MARCHF4: variants seen among roughly 807,000 people sequenced by gnomAD.
MARCHF4 encodes the protein E3 ubiquitin-protein ligase MARCHF4.
Under a neutral mutation model 43.9 loss-of-function variants are expected in MARCHF4, and 14 were observed. The observed-to-expected ratio is 0.32, with a 90% CI of 0.21 to 0.50. MARCHF4 has a LOEUF of 0.50. Ranked by LOEUF, MARCHF4 falls within the 20% of genes least tolerant of loss-of-function variation. The pLI is 0.98. For synonymous variants in MARCHF4, 226 were observed against 213.3 expected (o/e 1.06, Z -0.52); for missense variants, 468 against 536.7 (o/e 0.87, Z 1.27).
chr2:216,306,739 A>T (rs1409728303), intron 1 of MARCHF4, among the ~76,000 whole-genome samples: 1 of 152,168 alleles, frequency 6.6e-6, no homozygotes, highest in Non-Finnish European at 1.5e-5. Flanking sequence ...TTTTATAGAT[A>T]AGTGAACTGA....
In MARCHF4 at chr2:216,259,104, T is replaced by C. The variant is rs1690698813; in HGVS notation, c.*208A>G. On this transcript the variant is annotated 3_prime_UTR_variant, in exon 4 of 4. Transcript: ENST00000273067. ...GTTGAGTTGGTGTTGGTTTTCATTG[T>C]TGTTGTGGAGAGTGGCATTGACTGA... The C allele has an allele frequency of 1.9e-6, 1 of 529,302 alleles. No homozygotes were observed. The highest frequency in any genetic ancestry group is 3.1e-6 in the Non-Finnish European group (1 of 321,970). 32.8% of individuals were successfully genotyped at this position (529,302 alleles called of 1,614,324 possible).
At chr2:216,327,148 ATT>A (rs912014585) in intron 1 of MARCHF4, among the ~76,000 whole-genome samples, 1 of 149,366 alleles carries the variant, frequency 6.7e-6, no homozygotes, top group African/African-American at 2.5e-5. Flanking sequence ...TTTACTTTGT[ATT>A]TTTTTTTTAA....
At chr2:216,314,606 A>G (rs1440823835) in intron 1 of MARCHF4, among the ~76,000 whole-genome samples, 1 of 152,190 alleles carries the variant, frequency 6.6e-6, no homozygotes, top group Non-Finnish European at 1.5e-5. Context: ...TACAGGCAAG[A>G]GCCACCGTGC....
chr2:216,271,219 T>A (rs377018597), intron 3 of MARCHF4, among the ~76,000 whole-genome samples: 38 of 152,322 alleles, frequency 2.5e-4, no homozygotes, highest in African/African-American at 8.9e-4. Context: ...AGCCTGACTA[T>A]TTGCATTGAG....
rs553008536 is a variant in MARCHF4, at chr2:216,371,867, C to G, written c.-1607G>C. 1 of 152,226 alleles carries G rather than the reference C, an allele frequency of 6.6e-6. No individual in the cohort carries two copies. Among genetic ancestry groups the G allele is most frequent in the Non-Finnish European group, 1.5e-5 (1 of 68,078 alleles). 9.4% of individuals were successfully genotyped at this position (152,226 alleles called of 1,614,324 possible). ...ACCCCCACCAAGGGCGGCCTCGGCC[C>G]GCTCTCTGCCCCCCCACCCCGCCCC... On this transcript the variant is annotated 5_prime_UTR_variant, in exon 1 of 4. Transcript: ENST00000273067.
At chr2:216,310,107 G>C (rs1205706667) in intron 1 of MARCHF4, among the ~76,000 whole-genome samples, 2 of 138 alleles carry the variant, frequency 0.014, no homozygotes, top group Non-Finnish European at 0.032. Flanking sequence ...TGAGACCCTG[G>C]AGGCACCTAC....
chr2:216,304,916 T>C (rs1315118471), intron 1 of MARCHF4, among the ~76,000 whole-genome samples: 2 of 151,998 alleles, frequency 1.3e-5, no homozygotes, highest in Non-Finnish European at 2.9e-5. Context: ...ATCACGCCAT[T>C]GTACTCCAGT....
At chr2:216,351,661 C>T (rs1320624254) in intron 1 of MARCHF4, among the ~76,000 whole-genome samples, 1 of 152,196 alleles carries the variant, frequency 6.6e-6, no homozygotes, top group Non-Finnish European at 1.5e-5. Context: ...GAGTGGAGGC[C>T]TTGTCCGTTT....
chr2:216,349,678 T>G (rs535571728), intron 1 of MARCHF4, among the ~76,000 whole-genome samples: 5 of 152,022 alleles, frequency 3.3e-5, no homozygotes, highest in Admixed American at 3.3e-4. Flanking sequence ...TGCCTTTGAA[T>G]GGAAATGAAA....
intron 3 of MARCHF4, among the ~76,000 whole-genome samples, chr2:216,267,198 T>C (rs186411873): frequency 1.8e-3 from 275 of 152,292 alleles, no homozygotes; most frequent in Non-Finnish European, 2.4e-3. Context: ...AGAAGTTACA[T>C]TTTCTAGCTT....
intron 1 of MARCHF4, among the ~76,000 whole-genome samples, chr2:216,296,462 T>C (rs777063740): frequency 4.3e-4 from 65 of 152,344 alleles, no homozygotes; most frequent in Non-Finnish European, 7.6e-4. Context: ...TGTGTGTGTT[T>C]CTACCTCCTG....
chr2:216,303,171 C>G (rs888197544), intron 1 of MARCHF4, among the ~76,000 whole-genome samples: 1 of 152,148 alleles, frequency 6.6e-6, no homozygotes, highest in African/African-American at 2.4e-5. Flanking sequence ...AACGTCATCT[C>G]CTAGAAAAGC....
At chr2:216,283,422 G>T in intron 2 of MARCHF4, 152 bp downstream of exon 2, 1 of 790,668 alleles carries the variant, frequency 1.3e-6, no homozygotes, top group Non-Finnish European at 2.0e-6. Flanking sequence ...ATCCCCTCCT[G>T]CCCCACGCCG....
chr2:216,302,915 A>G (rs1040579418), intron 1 of MARCHF4, among the ~76,000 whole-genome samples: 1 of 130,560 alleles, frequency 7.7e-6, no homozygotes, highest in Admixed American at 7.7e-5. Flanking sequence ...AAAAAAAAAA[A>G]AAAAAAAAGA....
intron 1 of MARCHF4, among the ~76,000 whole-genome samples, chr2:216,365,710 C>A (rs1692655721): frequency 6.6e-6 from 1 of 152,204 alleles, no homozygotes; most frequent in South Asian, 2.1e-4. Context: ...TGAGTAGGCA[C>A]CCCGCCCACT....
intron 1 of MARCHF4, among the ~76,000 whole-genome samples, chr2:216,310,274 T>G (rs1441935459): frequency 6.6e-6 from 1 of 152,094 alleles, no homozygotes; most frequent in Non-Finnish European, 1.5e-5. Flanking sequence ...TTTCTTTTCT[T>G]TTTTTGAGGT....
chr2:216,293,411 G>A (rs946708120), intron 1 of MARCHF4, among the ~76,000 whole-genome samples: 2 of 152,028 alleles, frequency 1.3e-5, no homozygotes, highest in African/African-American at 2.4e-5. Context: ...AGGCCTTAAT[G>A]AGCTGTAGTT....
chr2:216,284,798 A>G (rs1559089611), intron 1 of MARCHF4, among the ~76,000 whole-genome samples: 3 of 152,132 alleles, frequency 2.0e-5, no homozygotes, highest in South Asian at 4.1e-4. Context: ...TTCAACTCCT[A>G]TCATTCAAGG....
At chr2:216,276,750 G>T (rs1400648188) in intron 3 of MARCHF4, among the ~76,000 whole-genome samples, 2 of 152,174 alleles carry the variant, frequency 1.3e-5, no homozygotes, top group Non-Finnish European at 2.9e-5. Flanking sequence ...GTGACTTAGG[G>T]GATAACCTGA....
Sources: allele counts gnomAD v4.1 joint callset (sites outside exome capture counted in the v4.1 genomes callset), GRCh38; gene constraint gnomAD v4.1.1; transcripts MANE v1.5; gene names NCBI Gene and HGNC (gene_info 2026-07-23, HGNC 2026-07-21).